Variants in ZNF627 observed in about 807,000 individuals in gnomAD.
ZNF627 encodes zinc finger protein 627.
ZNF627 carries 12 observed loss-of-function variants against 10.6 expected under a neutral mutation model. That is an observed-to-expected ratio of 1.13 (90% CI 0.73 to 1.84). ZNF627 has a LOEUF of 1.84. Among genes scored for constraint, ZNF627 ranks in the 40% most tolerant of loss-of-function variants. The probability of loss-of-function intolerance (pLI) is 0.00; values close to 1 mark genes in which losing one functional copy is unlikely to be tolerated. For synonymous variants in ZNF627, 176 were observed against 187.1 expected, an observed-to-expected ratio of 0.94 and a Z score of 0.48; for missense variants, 504 against 568.4, an observed-to-expected ratio of 0.89 and a Z score of 1.15.
rs762535510 is a variant in ZNF627, at chr19:11,617,136, T to G, written c.633T>G (p.Arg211=). 6.8e-6 allele frequency: 11 copies of G among 1,613,104 alleles called. No individual in the cohort carries two copies. In the South Asian group the frequency reaches 1.1e-4, roughly 16 times the overall value. ...CCTTTGATTATCCCAGTTTATTTCG[T>G]ATACATGAAAGAAGTCACACTGGAG... ...GKAFDYPSLF[R]IHERSHTGEK... Residue 211 remains arginine (R), a synonymous_variant, in exon 4 of 4, where the codon CGT becomes CGG. Transcript: ENST00000361113.
At position 11,614,424 on chromosome 19, in the gene ZNF627, T is replaced by C. The variant is rs969858477; in HGVS notation, c.4-103T>C. On this transcript the variant is annotated intron_variant, in intron 1 of 3. Transcript: ENST00000361113. Reference sequence around the variant, plus strand: ...GATGACTGTGGAATCTTGAAATAAATGTTTGGAAAGCATAGCATCCTGAGA... The same window carrying C: ...GATGACTGTGGAATCTTGAAATAAACGTTTGGAAAGCATAGCATCCTGAGA... 3 of 1,537,996 alleles carry C rather than the reference T, an allele frequency of 2.0e-6. No individual in the cohort carries two copies. The African/African-American group carries it at 4.2e-5, about 21-fold the overall frequency.
chr19:11,609,515 A>ATATATATATATG (rs1568441777), intron 1 of ZNF627, among the ~76,000 whole-genome samples: 3 of 92,970 alleles, frequency 3.2e-5, no homozygotes, highest in Admixed American at 1.1e-4. Context: ...ATATATATAT[A>ATATATATATATG]TATGTATTTT....
chr19:11,599,704 G>A (rs747806367), intron 1 of ZNF627, among the ~76,000 whole-genome samples: 3 of 152,032 alleles, frequency 2.0e-5, no homozygotes, highest in Non-Finnish European at 2.9e-5. Context: ...CCATGAGTTC[G>A]AGACCAGCCC....
At chr19:11,601,345 A>AT (rs987205262) in intron 1 of ZNF627, among the ~76,000 whole-genome samples, 5 of 151,400 alleles carry the variant, frequency 3.3e-5, no homozygotes, top group African/African-American at 9.7e-5. Flanking sequence ...TTATTTATTT[A>AT]TTTTTTTTGT....
intron 1 of ZNF627, 121 bp from the exon 2 acceptor site, chr19:11,614,404 CTG>C (rs1973830281): frequency 6.8e-7 from 1 of 1,472,528 alleles, no homozygotes; most frequent in Non-Finnish European, 9.2e-7. Context: ...AGTTTGATGA[CTG>C]TGGAATCTTG....
chr19:11,605,248 A>C (rs549150942), intron 1 of ZNF627, among the ~76,000 whole-genome samples: 1 of 151,342 alleles, frequency 6.6e-6, no homozygotes, highest in African/African-American at 2.4e-5. Context: ...AGGCCTGACT[A>C]ATTTTTTTTT....
At chr19:11,607,129 TTTTTC>T (rs552020235) in intron 1 of ZNF627, among the ~76,000 whole-genome samples, 6 of 151,986 alleles carry the variant, frequency 3.9e-5, no homozygotes, top group African/African-American at 1.4e-4. Flanking sequence ...AGAAAATGGG[TTTTTC>T]TTTTCTTTTC....
In ZNF627 at chr19:11,597,751, C is replaced by T. The variant is rs1049399027; in HGVS notation, c.3+121C>T. On this transcript the variant is annotated intron_variant, in intron 1 of 3. Coordinates refer to ENST00000361113, the MANE Select transcript of ZNF627 (RefSeq NM_145295.4). ...GACTCCGGGGTCTGGGACCCGAGTT[C>T]CCTCGGCCGCAAGGTGGGGCTGGGC... The T allele has an allele frequency of 5.4e-6, 6 of 1,105,886 alleles. No individual in the cohort carries two copies. The African/African-American group carries it at 6.4e-5, about 12-fold the overall frequency. 68.5% of individuals were successfully genotyped at this position (1,105,886 alleles called of 1,614,324 possible).
Position 11,618,073 on chromosome 19 carries a change from T to C in ZNF627, c.*184T>C. ...TAAAACCTAGAGTTGGAGTTGGATC[T>C]CTGGATTGTGTTATGTCAGTGTTGG... On this transcript the variant is annotated 3_prime_UTR_variant, in exon 4 of 4. Coordinates refer to ENST00000361113, the MANE Select transcript of ZNF627 (RefSeq NM_145295.4). 1 of 522,912 alleles carries C rather than the reference T, an allele frequency of 1.9e-6. No homozygotes were observed. Among genetic ancestry groups the C allele is most frequent in the Non-Finnish European group, 3.3e-6 (1 of 307,434 alleles). 32.4% of individuals were successfully genotyped at this position (522,912 alleles called of 1,614,324 possible).
chr19:11,615,060 C>T (rs1324121584), intron 3 of ZNF627, among the ~76,000 whole-genome samples, 173 bp downstream of exon 3: 1 of 151,426 alleles, frequency 6.6e-6, no homozygotes, highest in Admixed American at 6.6e-5. Flanking sequence ...GATTCTCCTG[C>T]CTCAGCCTCC....
chr19:11,614,102 A>G (rs1372236221), intron 1 of ZNF627, among the ~76,000 whole-genome samples: 1 of 151,892 alleles, frequency 6.6e-6, no homozygotes, highest in Non-Finnish European at 1.5e-5. Context: ...TTGTATTTTT[A>G]GTAGAGATGG....
intron 1 of ZNF627, 54 bp downstream of exon 1, chr19:11,597,684 C>A: frequency 1.5e-6 from 2 of 1,328,036 alleles, no homozygotes; most frequent in Non-Finnish European, 1.9e-6. Flanking sequence ...TGGTTGGAAC[C>A]GGCCGGAACC....
At position 11,614,554 on chromosome 19, in the gene ZNF627, G is replaced by C; in HGVS notation, c.31G>C (p.Val11Leu). The change falls in exon 2 of 4, where the codon GTG becomes CTG. Residue 11 changes from valine (V) to leucine (L), a missense_variant. By Grantham distance (32) the Val-to-Leu change is conservative (BLOSUM62 1). Transcript: ENST00000361113. MDSVAFEDVA[V>L]NFTLEEWALL... ...TTCAGTGGCCTTTGAGGATGTGGCT[G>C]TGAACTTCACCCTGGAGGAGTGGGC... 1 of 1,613,940 alleles carries C rather than the reference G, an allele frequency of 6.2e-7. No homozygotes were observed. The highest frequency in any genetic ancestry group is 1.1e-5 in the South Asian group (1 of 91,086).
At chr19:11,607,379 G>A (rs764625641) in intron 1 of ZNF627, among the ~76,000 whole-genome samples, 1 of 151,702 alleles carries the variant, frequency 6.6e-6, no homozygotes, top group African/African-American at 2.4e-5. Flanking sequence ...CAGGTTATCC[G>A]CCTGCCTCAG....
intron 1 of ZNF627, among the ~76,000 whole-genome samples, chr19:11,612,366 T>C (rs1973786691): frequency 6.6e-6 from 1 of 150,920 alleles, no homozygotes; most frequent in East Asian, 1.9e-4. Context: ...GTGATCCGCC[T>C]GCCTCGGCCT....
chr19:11,612,510 G>A (rs1017655094), intron 1 of ZNF627, among the ~76,000 whole-genome samples: 10 of 144,092 alleles, frequency 6.9e-5, no homozygotes, highest in Non-Finnish European at 1.2e-4. Flanking sequence ...CAACCTCTGC[G>A]TGCTGGGTTC....
chr19:11,617,369 G>C lies in ZNF627; in HGVS notation c.866G>C (p.Arg289Thr). The change falls in exon 4 of 4, where the codon AGG becomes ACG. Residue 289 changes from arginine (R) to threonine (T), a missense_variant. Coordinates refer to ENST00000361113, the MANE Select transcript of ZNF627 (RefSeq NM_145295.4). Reference sequence around the variant, plus strand: ...TGTAAACAGTGCGGTAAAGCCTTTAGGTGCGCCAGTTCTGTTCGAAGTCAC... The same window carrying C: ...TGTAAACAGTGCGGTAAAGCCTTTACGTGCGCCAGTTCTGTTCGAAGTCAC... ...YECKQCGKAF[R>T]CASSVRSHER... is the part of the protein sequence containing the mutation. 6.2e-7 allele frequency: 1 copy of C among 1,613,980 alleles called. No individual in the cohort carries two copies. Among genetic ancestry groups the C allele is most frequent in the Non-Finnish European group, 8.5e-7 (1 of 1,180,004 alleles).
At position 11,597,648 on chromosome 19, in the gene ZNF627, G is replaced by C. The variant is rs756257094; in HGVS notation, c.3+18G>C. ...GAGAAATGGTGCGTGTGAGGGGTCA[G>C]GCGTCCCCAGACCTGGGGGAGGGGC... On this transcript the variant is annotated intron_variant, in intron 1 of 3. Transcript: ENST00000361113. 1.5e-6 allele frequency: 2 copies of C among 1,337,692 alleles called. No homozygotes were observed. The highest frequency in any genetic ancestry group is 1.9e-6 in the Non-Finnish European group (2 of 1,037,842). The allele number at this position is 1,337,692 out of a possible 1,614,324, so 82.9% of individuals were successfully genotyped here. A position where few individuals can be genotyped will look rare whatever the true frequency, so the allele number is the denominator to read the frequency against.
rs1208261070 is a variant in ZNF627, at chr19:11,609,469, TTTTATATATATATATA to T, written c.4-5056_4-5041del. On this transcript the variant is annotated intron_variant, in intron 1 of 3. Transcript: ENST00000361113. Reference sequence around the variant, plus strand: ...ACTTCCTGGGTAGTCTTTTAAAAAATTTTATATATATATATATATATATATATATATATATATATAT... The same window carrying T: ...ACTTCCTGGGTAGTCTTTTAAAAAATTATATATATATATATATATATATAT... 8.4e-3 allele frequency among the ~76,000 whole-genome samples: 979 copies of T among 115,858 alleles called. 26 individuals carry two copies. Among genetic ancestry groups the T allele is most frequent in the East Asian group, 0.047 (147 of 3,156 alleles). The allele number at this position is 115,858 out of a possible 152,430, so 76.0% of individuals were successfully genotyped here.
Sources: allele counts gnomAD v4.1 joint callset (sites outside exome capture counted in the v4.1 genomes callset), GRCh38; gene constraint gnomAD v4.1.1; transcripts MANE v1.5; gene names NCBI Gene and HGNC (gene_info 2026-07-23, HGNC 2026-07-21).